The following CAV1 variants were observed in gnomAD, a reference collection of about 807,000 sequenced individuals.
CAV1 encodes caveolin-1.
CAV1 carries 10 observed loss-of-function variants against 16.5 expected under a neutral mutation model. That is an observed-to-expected ratio of 0.61 (90% CI 0.37 to 1.03). The LOEUF (loss-of-function observed/expected upper bound fraction) is 1.03, where lower values mean the gene tolerates loss of function less well. Among genes scored for constraint, CAV1 ranks in the 50% least tolerant of loss-of-function variants. The pLI is 0.01. For synonymous variants in CAV1, 76 were observed against 85.1 expected (o/e 0.89, Z 0.59); for missense variants, 212 against 232.8 (o/e 0.91, Z 0.58).
In CAV1 at chr7:116,526,326, T is replaced by G. The variant is rs1793557589; in HGVS notation, c.31-199T>G. On this transcript the variant is annotated intron_variant, in intron 1 of 2. Transcript: ENST00000341049. ...GAGGGGTGTGGTGTCCTCTGCGAGATCCTCTTAAAAAGCTGGCTACGCGCA... is the reference window on the plus strand; with the variant it reads ...GAGGGGTGTGGTGTCCTCTGCGAGAGCCTCTTAAAAAGCTGGCTACGCGCA... 2.1e-6 allele frequency: 3 copies of G among 1,445,594 alleles called. No individual in the cohort carries two copies. In the Admixed American group the frequency reaches 6.7e-5, roughly 32 times the overall value. 89.5% of individuals were successfully genotyped at this position (1,445,594 alleles called of 1,614,324 possible).
intron 2 of CAV1, among the ~76,000 whole-genome samples, chr7:116,554,309 G>A (rs1295495066): frequency 6.6e-6 from 1 of 152,056 alleles, no homozygotes; most frequent in Non-Finnish European, 1.5e-5. Context: ...ATAGATAGAT[G>A]TACAAAAATG....
intron 2 of CAV1, among the ~76,000 whole-genome samples, chr7:116,546,499 C>T (rs1022827468): frequency 2.7e-5 from 4 of 150,640 alleles, no homozygotes; most frequent in African/African-American, 9.8e-5. Context: ...AGACCAGCCT[C>T]GCCAACATGG....
chr7:116,528,612 A>G (rs1793620386), intron 2 of CAV1, among the ~76,000 whole-genome samples: 1 of 152,062 alleles, frequency 6.6e-6, no homozygotes, highest in African/African-American at 2.4e-5. Flanking sequence ...CAAGACTACA[A>G]ATGCAAATTC....
chr7:116,543,557 T>A (rs1255645231), intron 2 of CAV1, among the ~76,000 whole-genome samples: 1 of 152,258 alleles, frequency 6.6e-6, no homozygotes, highest in African/African-American at 2.4e-5. Context: ...GTATCTGTTC[T>A]AAGATGGATC....
chr7:116,525,600 A>T, intron 1 of CAV1: 1 of 1,138,958 alleles, frequency 8.8e-7, no homozygotes, highest in South Asian at 2.1e-5. Context: ...CATCTCAAGA[A>T]CTCCTTCTGC....
At chr7:116,557,842 G>A (rs887366825) in intron 2 of CAV1, among the ~76,000 whole-genome samples, 4 of 151,972 alleles carry the variant, frequency 2.6e-5, no homozygotes, top group African/African-American at 9.7e-5. Context: ...AACTCATCTT[G>A]ATAAACTACT....
At chr7:116,531,259 A>G (rs1463363058) in intron 2 of CAV1, among the ~76,000 whole-genome samples, 1 of 152,258 alleles carries the variant, frequency 6.6e-6, no homozygotes, top group Non-Finnish European at 1.5e-5. Flanking sequence ...AAATGTGTTT[A>G]GATGATTCTG....
intron 2 of CAV1, among the ~76,000 whole-genome samples, chr7:116,556,916 A>T (rs943678423): frequency 1.3e-5 from 2 of 152,232 alleles, no homozygotes; most frequent in African/African-American, 4.8e-5. Context: ...ACATCTTTAA[A>T]AAATAAAATT....
In CAV1 at chr7:116,559,700, G is replaced by T. The variant is rs1794367241; in HGVS notation, c.*413G>T. The T allele has an allele frequency of 7.7e-6, 4 of 522,820 alleles. No individual in the cohort carries two copies. The East Asian group carries it at 1.2e-4, about 16-fold the overall frequency. 32.4% of individuals were successfully genotyped at this position (522,820 alleles called of 1,614,324 possible). On this transcript the variant is annotated 3_prime_UTR_variant, in exon 3 of 3. Coordinates refer to ENST00000341049, the MANE Select transcript of CAV1 (RefSeq NM_001753.5). ...TTTATGTTAAGGGAAGAATTCCAGG[G>T]TATGGCCATGGAGTGTACAAGTATG... is the stretch of plus-strand genomic sequence containing the variant.
intron 2 of CAV1, among the ~76,000 whole-genome samples, chr7:116,547,610 G>T (rs1354126634): frequency 6.6e-6 from 1 of 152,134 alleles, no homozygotes; most frequent in South Asian, 2.1e-4. Flanking sequence ...CATCCTTCTT[G>T]CTTGCTTAAT....
intron 2 of CAV1, among the ~76,000 whole-genome samples, chr7:116,537,432 C>T (rs961424408): frequency 1.3e-5 from 2 of 152,046 alleles, no homozygotes; most frequent in African/African-American, 2.4e-5. Context: ...CTGACACCTC[C>T]AATGGCCCTA....
At chr7:116,526,014 G>A in intron 1 of CAV1, 1 of 225,484 alleles carries the variant, frequency 4.4e-6, no homozygotes, top group Non-Finnish European at 7.4e-6. Flanking sequence ...GGGTCGGGCG[G>A]CTGCTGTTGG....
At chr7:116,539,931 T>A (rs1793903041) in intron 2 of CAV1, among the ~76,000 whole-genome samples, 1 of 152,248 alleles carries the variant, frequency 6.6e-6, no homozygotes, top group South Asian at 2.1e-4. Context: ...GTGAAAGGAG[T>A]GCCTGTTGAA....
chr7:116,537,884 G>A (rs1793856026), intron 2 of CAV1, among the ~76,000 whole-genome samples: 2 of 152,212 alleles, frequency 1.3e-5, no homozygotes, highest in African/African-American at 4.8e-5. Context: ...ACACAGGGCA[G>A]GTGTGGCCAG....
At chr7:116,551,684 A>T (rs2116067440) in intron 2 of CAV1, among the ~76,000 whole-genome samples, 1 of 152,172 alleles carries the variant, frequency 6.6e-6, no homozygotes, top group East Asian at 1.9e-4. Flanking sequence ...AGAACAACAA[A>T]CATTGATCCT....
intron 2 of CAV1, among the ~76,000 whole-genome samples, chr7:116,529,928 C>T (rs752868560): frequency 1.3e-5 from 2 of 152,148 alleles, no homozygotes; most frequent in Non-Finnish European, 2.9e-5. Flanking sequence ...CATTGTTATT[C>T]ACATGTTTAT....
At chr7:116,528,837 A>T (rs896386824) in intron 2 of CAV1, among the ~76,000 whole-genome samples, 1 of 151,616 alleles carries the variant, frequency 6.6e-6, no homozygotes, top group Non-Finnish European at 1.5e-5. Flanking sequence ...TTATTTATTT[A>T]TTTATTTTTT....
At position 116,559,285 on chromosome 7, in the gene CAV1, T is replaced by C. The variant is rs1302948884; in HGVS notation, c.535T>C (p.Ter179GlnextTer6). The C allele has an allele frequency of 6.2e-7, 1 of 1,608,894 alleles. No individual in the cohort carries two copies. The highest frequency in any genetic ancestry group is 8.5e-7 in the Non-Finnish European group (1 of 1,175,532). ...NVRINLQKEI[*>Q] ...CCGCATCAACTTGCAGAAAGAAATA[T>C]AAATGACATTTCAAGGATAGAAGTA... Residue 179 changes from the stop codon to glutamine, a stop_lost, in exon 3 of 3, where the codon TAA becomes CAA. Transcript: ENST00000341049.
intron 2 of CAV1, among the ~76,000 whole-genome samples, chr7:116,549,169 G>T (rs956551654): frequency 6.6e-6 from 1 of 152,082 alleles, no homozygotes; most frequent in African/African-American, 2.4e-5. Flanking sequence ...AGGCACCAAA[G>T]GACAAAGTCA....
Sources: allele counts gnomAD v4.1 joint callset (sites outside exome capture counted in the v4.1 genomes callset), GRCh38; gene constraint gnomAD v4.1.1; transcripts MANE v1.5; gene names NCBI Gene and HGNC (gene_info 2026-07-23, HGNC 2026-07-21).